Variants in MCTP1 observed in about 807,000 individuals in gnomAD.
MCTP1 encodes the protein multiple C2 and transmembrane domain-containing protein 1.
Under a neutral mutation model 120.6 loss-of-function variants are expected in MCTP1, and 69 were observed. The observed-to-expected ratio is 0.57, with a 90% CI of 0.47 to 0.70. MCTP1 has a LOEUF of 0.70. Ranked by LOEUF, MCTP1 falls within the 30% of genes least tolerant of loss-of-function variation. The pLI is 0.00. For synonymous variants in MCTP1, 529 were observed against 493.1 expected, an observed-to-expected ratio of 1.07 and a Z score of -0.96; for missense variants, 1,203 against 1,248.8, an observed-to-expected ratio of 0.96 and a Z score of 0.55.
At chr5:94,924,236 T>C (rs1812435499) in intron 6 of MCTP1, among the ~76,000 whole-genome samples, 1 of 152,154 alleles carries the variant, frequency 6.6e-6, no homozygotes, top group Admixed American at 6.5e-5. Context: ...TGTAATTTTT[T>C]AAGAGTCCAC....
At chr5:94,767,293 A>G (rs953248618) in intron 19 of MCTP1, among the ~76,000 whole-genome samples, 1 of 152,232 alleles carries the variant, frequency 6.6e-6, no homozygotes, top group Non-Finnish European at 1.5e-5. Context: ...TCTATATGGC[A>G]AACCCACAGC....
chr5:95,211,039 G>T (rs1247873109), intron 1 of MCTP1, among the ~76,000 whole-genome samples: 5 of 151,890 alleles, frequency 3.3e-5, no homozygotes, highest in African/African-American at 1.2e-4. Flanking sequence ...TCTGCCGAGA[G>T]ATCCACTGTT....
chr5:94,945,820 A>G (rs1464833202), intron 3 of MCTP1, among the ~76,000 whole-genome samples: 2 of 152,214 alleles, frequency 1.3e-5, no homozygotes, highest in Non-Finnish European at 2.9e-5. Flanking sequence ...AGGGAATAGG[A>G]AAGTGCAATC....
chr5:95,215,085 A>G, intron 1 of MCTP1, among the ~76,000 whole-genome samples: 1 of 152,130 alleles, frequency 6.6e-6, no homozygotes, highest in Non-Finnish European at 1.5e-5. Flanking sequence ...GCCCATAACC[A>G]TAATCACACT....
intron 19 of MCTP1, among the ~76,000 whole-genome samples, chr5:94,728,400 T>A (rs1292300016): frequency 1.3e-5 from 2 of 152,290 alleles, no homozygotes; most frequent in East Asian, 3.9e-4. Flanking sequence ...ACAAGTTCTT[T>A]AGAAATGGTA....
At chr5:95,167,984 G>A (rs1272400283) in intron 1 of MCTP1, among the ~76,000 whole-genome samples, 1 of 152,152 alleles carries the variant, frequency 6.6e-6, no homozygotes, top group Non-Finnish European at 1.5e-5. Flanking sequence ...CCTATGTCCT[G>A]AATGGTATTG....
At chr5:95,235,021 T>C (rs1055337102) in intron 1 of MCTP1, among the ~76,000 whole-genome samples, 1 of 152,006 alleles carries the variant, frequency 6.6e-6, no homozygotes, top group African/African-American at 2.4e-5. Flanking sequence ...AAAGACATTA[T>C]AAGAAAACTA....
chr5:94,817,407 A>AAAACAAACAAAC (rs55957139), intron 17 of MCTP1, among the ~76,000 whole-genome samples: 179 of 150,034 alleles, frequency 1.2e-3, no homozygotes, highest in East Asian at 1.8e-3. Context: ...CTCTTGTCTC[A>AAAACAAACAAAC]AAACAAACAA....
At chr5:95,231,593 C>A (rs1277850967) in intron 1 of MCTP1, among the ~76,000 whole-genome samples, 1 of 152,128 alleles carries the variant, frequency 6.6e-6, no homozygotes. Flanking sequence ...TACCACAGCA[C>A]AATGCTGAGT....
At chr5:95,066,045 T>G (rs1295276683) in intron 1 of MCTP1, among the ~76,000 whole-genome samples, 1 of 152,078 alleles carries the variant, frequency 6.6e-6, no homozygotes, top group Non-Finnish European at 1.5e-5. Context: ...TGCACAACAA[T>G]GCAAACATCA....
At chr5:94,709,875 A>C (rs1391715093) in intron 21 of MCTP1, 1 of 152,150 alleles carries the variant, frequency 6.6e-6, no homozygotes, top group Non-Finnish European at 1.5e-5. Context: ...AAAGTATCTT[A>C]AAAGCGGAGG....
intron 1 of MCTP1, among the ~76,000 whole-genome samples, chr5:95,129,224 C>CA (rs1255396051): frequency 1.3e-5 from 2 of 152,130 alleles, no homozygotes; most frequent in Non-Finnish European, 2.9e-5. Flanking sequence ...GCACTGGGGG[C>CA]AAAAATCAAG....
At chr5:94,799,244 A>G (rs1309716976) in intron 17 of MCTP1, 112 bp from the exon 18 acceptor site, 3 of 952,114 alleles carry the variant, frequency 3.2e-6, no homozygotes, top group Non-Finnish European at 4.6e-6. Flanking sequence ...CAGAACAGGA[A>G]GATTTATCTT....
intron 1 of MCTP1, among the ~76,000 whole-genome samples, chr5:95,141,396 T>C (rs1759919474): frequency 6.6e-6 from 1 of 152,238 alleles, no homozygotes; most frequent in African/African-American, 2.4e-5. Context: ...ACAGTTACTC[T>C]GCAGATTAAA....
rs1801276481 is a variant in MCTP1 at position 94,886,103 on chromosome 5, T to C, written c.1933+2776A>G. Among the ~76,000 whole-genome samples, 5 of 152,226 alleles carry C rather than the reference T, an allele frequency of 3.3e-5. No individual in the cohort carries two copies. The South Asian group carries it at 1.0e-3, about 32-fold the overall frequency. ...TATTAGGGGCTTAACTGAAGTGACC[T>C]ACTGTAGTAGTGTTCAGCTGAACAA... On this transcript the variant is annotated intron_variant, in intron 12 of 22. Coordinates refer to ENST00000515393, the MANE Select transcript of MCTP1 (RefSeq NM_024717.7).
chr5:95,014,405 G>A (rs554752188), intron 2 of MCTP1, among the ~76,000 whole-genome samples: 1 of 152,148 alleles, frequency 6.6e-6, no homozygotes, highest in Non-Finnish European at 1.5e-5. Flanking sequence ...GGAAGTAACT[G>A]TAGATGTGGT....
chr5:94,715,184 G>A (rs990564917), intron 19 of MCTP1, among the ~76,000 whole-genome samples: 1 of 151,568 alleles, frequency 6.6e-6, no homozygotes, highest in African/African-American at 2.4e-5. Flanking sequence ...TAAGAGAGAG[G>A]GGAGGTCCCA....
At position 95,145,415 on chromosome 5, in the gene MCTP1, G is replaced by C. The variant is rs182948463; in HGVS notation, c.721-127931C>G. ...TCTCTTGCCTGATTGCACTGGCCAG[G>C]ACTTCCAATACTATGTTGAATAGGA... is the stretch of plus-strand genomic sequence containing the variant. On this transcript the variant is annotated intron_variant, in intron 1 of 22. Transcript: ENST00000515393. Among the ~76,000 whole-genome samples, 232 of 152,122 alleles carry C rather than the reference G, an allele frequency of 1.5e-3. 1 individual carries two copies. Among genetic ancestry groups the C allele is most frequent in the Non-Finnish European group, 6.2e-4 (42 of 67,928 alleles).
intron 19 of MCTP1, among the ~76,000 whole-genome samples, chr5:94,720,004 T>C (rs1447177902): frequency 6.6e-6 from 1 of 151,932 alleles, no homozygotes; most frequent in Non-Finnish European, 1.5e-5. Context: ...TGCATGCCTG[T>C]AATCCCAGCT....
Sources: allele counts gnomAD v4.1 joint callset (sites outside exome capture counted in the v4.1 genomes callset), GRCh38; gene constraint gnomAD v4.1.1; transcripts MANE v1.5; gene names NCBI Gene and HGNC (gene_info 2026-07-23, HGNC 2026-07-21).